The following GNPAT variants were observed in gnomAD, a reference collection of about 807,000 sequenced individuals.
GNPAT encodes glyceronephosphate O-acyltransferase, also known as dihydroxyacetone phosphate acyltransferase.
GNPAT carries 30 observed loss-of-function variants against 78.4 expected under a neutral mutation model. The ratio of observed to expected loss-of-function variants is 0.38; its 90% CI spans 0.29 to 0.52. The LOEUF is 0.52. Among genes scored for constraint, GNPAT ranks in the 20% least tolerant of loss-of-function variants. The pLI is 0.84. For missense variants in GNPAT, 714 were observed against 812.2 expected, an observed-to-expected ratio of 0.88 and a Z score of 1.47; for synonymous variants, 271 against 281.1, an observed-to-expected ratio of 0.96 and a Z score of 0.36.
intron 2 of GNPAT, among the ~76,000 whole-genome samples, chr1:231,257,627 T>G (rs1375883714): frequency 1.3e-5 from 2 of 152,196 alleles, no homozygotes; most frequent in Non-Finnish European, 2.9e-5. Flanking sequence ...AGTTGAACCT[T>G]CACGCTTCTT....
intron 1 of GNPAT, among the ~76,000 whole-genome samples, chr1:231,250,434 A>C (rs1159231610): frequency 6.6e-6 from 1 of 150,512 alleles, no homozygotes; most frequent in African/African-American, 2.4e-5. Flanking sequence ...CTTGTCTCGA[A>C]AAGAAGAAAA....
At chr1:231,260,707 TAAAG>T (rs771817044) in intron 3 of GNPAT, 24 bp downstream of exon 3, 165 of 1,418,486 alleles carry the variant, frequency 1.2e-4, no homozygotes, top group Middle Eastern at 5.5e-4. Context: ...ATTAAAAAAA[TAAAG>T]AAATAAAAGT....
At chr1:231,271,842 C>T (rs1039921036) in intron 10 of GNPAT, among the ~76,000 whole-genome samples, 1 of 152,182 alleles carries the variant, frequency 6.6e-6, no homozygotes, top group African/African-American at 2.4e-5. Context: ...GTGGCTCACG[C>T]CTGTAATCCC....
chr1:231,263,387 G>A (rs944731336), intron 4 of GNPAT, among the ~76,000 whole-genome samples: 20 of 152,006 alleles, frequency 1.3e-4, no homozygotes, highest in Admixed American at 1.0e-3. Flanking sequence ...CTGACCCTGG[G>A]CAATCAGCAT....
At chr1:231,269,905 A>T (rs1472339895) in intron 9 of GNPAT, 1 of 152,076 alleles carries the variant, frequency 6.6e-6, no homozygotes, top group Non-Finnish European at 1.5e-5. Context: ...CAAGCTTTTT[A>T]TGATCATTTC....
In GNPAT at chr1:231,277,533, A is replaced by G. The variant is rs746518403; in HGVS notation, c.2034A>G (p.Ala678=). 2 of 1,578,518 alleles carry G rather than the reference A, an allele frequency of 1.3e-6. No homozygotes were observed. Among genetic ancestry groups the G allele is most frequent in the Non-Finnish European group, 1.7e-6 (2 of 1,147,390 alleles). Residue 678 remains alanine, a synonymous_variant, in exon 16 of 16, where the codon GCA becomes GCG. Coordinates refer to ENST00000366647, the MANE Select transcript of GNPAT (RefSeq NM_014236.4). ...CKTPIGKPAT[A]KL ...CACCAATAGGAAAACCAGCCACTGC[A>G]AAACTTTAATAATCAACAAATAGTT...
intron 1 of GNPAT, among the ~76,000 whole-genome samples, chr1:231,245,872 G>A (rs1274814514): frequency 6.6e-6 from 1 of 152,114 alleles, no homozygotes; most frequent in African/African-American, 2.4e-5. Flanking sequence ...GGGAGGCTGA[G>A]GCAGGAGAAT....
chr1:231,257,778 C>A (rs1456736981), intron 2 of GNPAT, among the ~76,000 whole-genome samples: 1 of 152,162 alleles, frequency 6.6e-6, no homozygotes, highest in Non-Finnish European at 1.5e-5. Flanking sequence ...CTCCAGCTGT[C>A]CAGTTCTCTG....
Position 231,277,480 on chromosome 1 carries a change from T to C in GNPAT, c.2000-19T>C, listed in dbSNP as rs765199157. On this transcript the variant is annotated intron_variant, in intron 15 of 15. Transcript: ENST00000366647. ...AAATCAGCATCATTTCATGAGCTGC[T>C]TCTCTTTTTTCATCTTAGGTTGTAA... 4 of 1,536,660 alleles carry C rather than the reference T, an allele frequency of 2.6e-6. No individual in the cohort carries two copies. Among genetic ancestry groups the C allele is most frequent in the African/African-American group, 1.4e-5 (1 of 73,502 alleles).
rs565522795 is a variant in GNPAT at position 231,250,743 on chromosome 1, A to T, written c.79-218A>T. 2.6e-5 allele frequency among the ~76,000 whole-genome samples: 4 copies of T among 152,342 alleles called. No homozygotes were observed. In the East Asian group the frequency reaches 7.7e-4, roughly 29 times the overall value. On this transcript the variant is annotated intron_variant, in intron 1 of 15. Coordinates refer to ENST00000366647, the MANE Select transcript of GNPAT (RefSeq NM_014236.4). ...ACTGACAATGATAGCAATCAGAAAT[A>T]TAATAAAATATTATGATAACTCAGT...
At chr1:231,271,064 A>G in intron 10 of GNPAT, 64 bp downstream of exon 10, 1 of 1,564,716 alleles carries the variant, frequency 6.4e-7, no homozygotes, top group Non-Finnish European at 8.8e-7. Flanking sequence ...CCATTTAGGG[A>G]GCCACATTTG....
chr1:231,248,060 A>G (rs1309434248), intron 1 of GNPAT, among the ~76,000 whole-genome samples: 2 of 152,192 alleles, frequency 1.3e-5, no homozygotes, highest in Non-Finnish European at 2.9e-5. Context: ...GTGTTTATAT[A>G]TGTACAGTTG....
intron 1 of GNPAT, among the ~76,000 whole-genome samples, chr1:231,248,656 C>T (rs897794502): frequency 2.0e-5 from 3 of 152,018 alleles, no homozygotes; most frequent in Admixed American, 6.5e-5. Context: ...GCTATATATA[C>T]GTATAAACAC....
chr1:231,270,529 G>T (rs1238915515), intron 9 of GNPAT, among the ~76,000 whole-genome samples: 1 of 152,084 alleles, frequency 6.6e-6, no homozygotes, highest in East Asian at 1.9e-4. Flanking sequence ...AATTTTGGGG[G>T]TAAGAAAGTA....
chr1:231,254,768 T>C (rs1262813942), intron 2 of GNPAT, among the ~76,000 whole-genome samples: 1 of 151,732 alleles, frequency 6.6e-6, no homozygotes, highest in Non-Finnish European at 1.5e-5. Context: ...TTTTTTTTTT[T>C]TTGCGACAGA....
intron 4 of GNPAT, among the ~76,000 whole-genome samples, chr1:231,264,506 A>G (rs993876681): frequency 2.0e-5 from 3 of 152,232 alleles, no homozygotes; most frequent in Non-Finnish European, 4.4e-5. Context: ...CCAGGATTCA[A>G]GTATACACGT....
intron 9 of GNPAT, among the ~76,000 whole-genome samples, chr1:231,269,010 T>C (rs548610506): frequency 1.6e-4 from 24 of 150,608 alleles, no homozygotes; most frequent in African/African-American, 4.4e-4. Flanking sequence ...ATCAACCCAA[T>C]ACTGAATACC....
At chr1:231,242,872 A>G (rs1684652300) in intron 1 of GNPAT, among the ~76,000 whole-genome samples, 1 of 152,232 alleles carries the variant, frequency 6.6e-6, no homozygotes, top group Admixed American at 6.5e-5. Flanking sequence ...CTGATGCTGG[A>G]CAGCAACCCA....
chr1:231,271,547 C>T (rs1685565729), intron 10 of GNPAT, among the ~76,000 whole-genome samples: 1 of 152,162 alleles, frequency 6.6e-6, no homozygotes, highest in Non-Finnish European at 1.5e-5. Flanking sequence ...CTTCAGTTGA[C>T]CTGGGGTATG....
Sources: gnomAD v4.1 joint callset for allele counts (sites outside exome capture counted in the v4.1 genomes callset) on GRCh38, gnomAD v4.1.1 for gene constraint, MANE v1.5 for transcripts, NCBI Gene and HGNC (gene_info 2026-07-23, HGNC 2026-07-21) for gene names.